ERI1: variants seen among roughly 807,000 people sequenced by gnomAD.
ERI1 encodes the protein exoribonuclease 1, also known as 3'-5' exoribonuclease 1.
In ERI1, 39 loss-of-function variants were observed where a neutral mutation model predicts 39.7. The ratio of observed to expected loss-of-function variants is 0.98; its 90% confidence interval spans 0.76 to 1.28. The LOEUF is 1.28. Ranked by LOEUF, ERI1 falls within the 50% of genes most tolerant of loss-of-function variation. The pLI is 0.00. For missense variants in ERI1, 581 were observed against 416.9 expected, an observed-to-expected ratio of 1.39 and a Z score of -3.43; for synonymous variants, 204 against 149.6, an observed-to-expected ratio of 1.36 and a Z score of -2.65.
chr8:9,028,986 T>G (rs1367130069), intron 6 of ERI1, among the ~76,000 whole-genome samples: 3 of 150,586 alleles, frequency 2.0e-5, no homozygotes, highest in South Asian at 4.2e-4. Flanking sequence ...TTTTTTTTTT[T>G]TTTTTTTTTT....
chr8:9,047,918 G>C (rs1798228370), intron 3 of ERI1, among the ~76,000 whole-genome samples: 1 of 152,202 alleles, frequency 6.6e-6, no homozygotes, highest in East Asian at 1.9e-4. Flanking sequence ...CAGATGCCTT[G>C]GCTTGATCTC....
chr8:9,091,231 G>A (rs1799693071), intron 3 of ERI1: 1 of 152,176 alleles, frequency 6.6e-6, no homozygotes, highest in African/African-American at 2.4e-5. Flanking sequence ...CCACAAGAAA[G>A]AATTCTTGGC....
At chr8:9,093,652 C>G (rs905810140) in intron 3 of ERI1, among the ~76,000 whole-genome samples, 1 of 152,224 alleles carries the variant, frequency 6.6e-6, no homozygotes, top group East Asian at 1.9e-4. Flanking sequence ...ACTGCAACCT[C>G]TGCCTCCTGG....
intron 3 of ERI1, among the ~76,000 whole-genome samples, chr8:9,065,335 A>G (rs1330098448): frequency 6.6e-6 from 1 of 152,182 alleles, no homozygotes. Flanking sequence ...GTCACACCAC[A>G]AGTAAAGTCA....
chr8:9,079,406 G>T (rs1365429966), intron 3 of ERI1, among the ~76,000 whole-genome samples: 1 of 152,140 alleles, frequency 6.6e-6, no homozygotes, highest in East Asian at 1.9e-4. Flanking sequence ...TTCTAAAGAA[G>T]AAAACAAATA....
chr8:9,008,084 T>C lies in ERI1; in HGVS notation c.223T>C (p.Cys75Arg), dbSNP rs1816232604. Residue 75 changes from cysteine (C) to arginine (R), a missense_variant, in exon 2 of 7, where the codon TGT becomes CGT. Transcript: ENST00000250263. Reference protein sequence around the residue: ...VYKEIAITNGCINRMSKEELR... With the variant: ...VYKEIAITNGRINRMSKEELR... Reference sequence around the variant, plus strand: ...CAAAGAGATTGCCATTACGAATGGCTGTATTAATAGAATGAGTAAGGAAGA... The same window carrying C: ...CAAAGAGATTGCCATTACGAATGGCCGTATTAATAGAATGAGTAAGGAAGA... 2 of 1,613,116 alleles carry C rather than the reference T, an allele frequency of 1.2e-6. No individual in the cohort carries two copies. The highest frequency in any genetic ancestry group is 1.7e-6 in the Non-Finnish European group (2 of 1,179,536).
intron 3 of ERI1, among the ~76,000 whole-genome samples, chr8:9,038,617 C>T (rs1585250445): frequency 1.3e-5 from 2 of 151,964 alleles, no homozygotes; most frequent in Non-Finnish European, 2.9e-5. Flanking sequence ...CTTAGCTGGG[C>T]GTGGTGGCAC....
intron 6 of ERI1, among the ~76,000 whole-genome samples, chr8:9,026,958 C>G (rs964225553): frequency 6.6e-6 from 1 of 152,072 alleles, no homozygotes; most frequent in Admixed American, 6.5e-5. Flanking sequence ...TGTACAGATA[C>G]CATTCTTCTT....
chr8:9,012,417 A>T lies in ERI1; in HGVS notation c.498+665A>T, dbSNP rs77217333. Among the ~76,000 whole-genome samples, 1,347 of 152,314 alleles carry T rather than the reference A, an allele frequency of 8.8e-3. 20 individuals carry two copies. Among genetic ancestry groups the T allele is most frequent in the African/African-American group, 0.031 (1,293 of 41,556 alleles). ...TGAGCAAGAATATCCTAACATCTCA[A>T]CTTTCCAAAAGTCACTTCTGTGATA... is the stretch of plus-strand genomic sequence containing the variant. On this transcript the variant is annotated intron_variant, in intron 3 of 6. Transcript: ENST00000250263.
intron 3 of ERI1, among the ~76,000 whole-genome samples, chr8:9,047,734 T>A (rs1798219612): frequency 2.9e-5 from 1 of 34,120 alleles, no homozygotes; most frequent in African/African-American, 7.8e-5. Flanking sequence ...AGCCTGCATC[T>A]CTCCCTCCCC....
chr8:9,070,242 A>T (rs1246911501), intron 3 of ERI1, among the ~76,000 whole-genome samples: 2 of 151,868 alleles, frequency 1.3e-5, no homozygotes, highest in Non-Finnish European at 2.9e-5. Flanking sequence ...GTCTCAAAAA[A>T]AAAAACAAAA....
downstream of ERI1, among the ~76,000 whole-genome samples, chr8:9,035,460 G>A (rs1797812934): frequency 6.6e-6 from 1 of 152,076 alleles, no homozygotes; most frequent in Admixed American, 6.6e-5. Flanking sequence ...TACTCTGCCT[G>A]TGCTCTATAA....
At position 9,072,649 on chromosome 8, in the gene ERI1, C is replaced by A. The variant is rs575178414; in HGVS notation, n.300-43699C>A. ...CTTTAAAAAAAAAAAATCTTTGAAG[C>A]CTTCATAAATCAGCCCTTTGATTTA... On this transcript the variant is annotated intron_variant and non_coding_transcript_variant, in intron 3 of 3. Transcript: ENST00000518663. The A allele has an allele frequency of 1.3e-5, 2 of 152,134 alleles. 1 individual carries two copies. The highest frequency in any genetic ancestry group is 1.3e-4 in the Admixed American group (2 of 15,276). 9.4% of individuals were successfully genotyped at this position (152,134 alleles called of 1,614,324 possible).
intron 3 of ERI1, among the ~76,000 whole-genome samples, chr8:9,041,290 A>T (rs758375593): frequency 7.2e-5 from 11 of 152,180 alleles, no homozygotes; most frequent in Non-Finnish European, 1.2e-4. Context: ...TCCTTACTAC[A>T]GGCAACTTCC....
intron 3 of ERI1, among the ~76,000 whole-genome samples, chr8:9,067,133 A>C (rs928011748): frequency 2.6e-5 from 4 of 152,086 alleles, no homozygotes; most frequent in Admixed American, 6.6e-5. Flanking sequence ...ATGACATAAA[A>C]TCGTTTTGGG....
At chr8:9,003,668 A>T (rs1815624441) in intron 1 of ERI1, among the ~76,000 whole-genome samples, 1 of 152,184 alleles carries the variant, frequency 6.6e-6, no homozygotes, top group Admixed American at 6.5e-5. Flanking sequence ...CTGGTGTCTC[A>T]TATAACCATA....
intron 6 of ERI1, among the ~76,000 whole-genome samples, chr8:9,026,934 G>C (rs1248130739): frequency 6.6e-6 from 1 of 152,020 alleles, no homozygotes; most frequent in African/African-American, 2.4e-5. Context: ...GAATAGTGCT[G>C]TTATGAACAT....
intron 3 of ERI1, among the ~76,000 whole-genome samples, chr8:9,080,202 G>C (rs558531619): frequency 1.3e-5 from 2 of 152,262 alleles, no homozygotes; most frequent in African/African-American, 4.8e-5. Flanking sequence ...AGTAGGACGT[G>C]ATTGCTGTCT....
chr8:9,004,684 CTTTTTTT>C (rs1279162284), intron 1 of ERI1, among the ~76,000 whole-genome samples: 1 of 126,804 alleles, frequency 7.9e-6, no homozygotes, highest in African/African-American at 2.9e-5. Context: ...AGTAATGATA[CTTTTTTT>C]TTTTTTTTTT....
Sources: allele counts gnomAD v4.1 joint callset (sites outside exome capture counted in the v4.1 genomes callset), GRCh38; gene constraint gnomAD v4.1.1; transcripts MANE v1.5; gene names NCBI Gene and HGNC (gene_info 2026-07-23, HGNC 2026-07-21).